Variants in RARB observed in about 807,000 individuals in gnomAD.
RARB encodes retinoic acid receptor beta, also known as HBV-activated protein.
Under a neutral mutation model 51.9 loss-of-function variants are expected in RARB, and 17 were observed. The observed-to-expected ratio is 0.33, with a 90% CI of 0.22 to 0.49. The LOEUF (loss-of-function observed/expected upper bound fraction) is 0.49. Ranked by LOEUF, RARB falls within the 20% of genes least tolerant of loss-of-function variation. The pLI is 0.99. For missense variants in RARB, 369 were observed against 550.8 expected (o/e 0.67, Z 3.30); for synonymous variants, 215 against 195.4 (o/e 1.10, Z -0.84).
chr3:25,496,677 T>G (rs1697049522), intron 2 of RARB, among the ~76,000 whole-genome samples: 1 of 152,182 alleles, frequency 6.6e-6, no homozygotes, highest in Non-Finnish European at 1.5e-5. Context: ...AGGTATAACA[T>G]GGAAGGAAAA....
intron 3 of RARB, among the ~76,000 whole-genome samples, chr3:25,108,239 G>A (rs1308463402): frequency 6.6e-6 from 1 of 152,068 alleles, no homozygotes; most frequent in Admixed American, 6.6e-5. Flanking sequence ...GGTTGATCGT[G>A]GGTGACTGAA....
At chr3:25,330,320 C>A (rs192730520) in intron 5 of RARB, among the ~76,000 whole-genome samples, 1,677 of 152,302 alleles carry the variant, frequency 0.011, 25 homozygotes, top group African/African-American at 0.038. Context: ...GATCTCTCGG[C>A]AGACACTCTG....
chr3:25,145,419 A>G (rs986838741), intron 4 of RARB, among the ~76,000 whole-genome samples: 5 of 152,208 alleles, frequency 3.3e-5, no homozygotes, highest in African/African-American at 1.2e-4. Context: ...GGAAGTGATC[A>G]TAATGCCACA....
At chr3:25,267,579 A>G (rs1238613854) in intron 5 of RARB, among the ~76,000 whole-genome samples, 1 of 152,076 alleles carries the variant, frequency 6.6e-6, no homozygotes, top group African/African-American at 2.4e-5. Context: ...TTCTGGCTTG[A>G]GAGTGGTGTT....
intron 3 of RARB, among the ~76,000 whole-genome samples, chr3:25,527,252 A>G (rs1048658713): frequency 2.0e-5 from 3 of 152,196 alleles, no homozygotes; most frequent in Admixed American, 6.5e-5. Context: ...GCAAGTGGCT[A>G]GATGGCAAAT....
At chr3:25,499,089 C>T (rs866549489) in intron 2 of RARB, among the ~76,000 whole-genome samples, 3 of 152,138 alleles carry the variant, frequency 2.0e-5, no homozygotes, top group Non-Finnish European at 2.9e-5. Context: ...ATAGTTGAAC[C>T]ATGCCAGTAA....
chr3:25,444,639 C>G (rs1708848754), intron 1 of RARB, among the ~76,000 whole-genome samples: 1 of 152,140 alleles, frequency 6.6e-6, no homozygotes. Flanking sequence ...ACCTGCAGGT[C>G]TTTTGCTATT....
At chr3:25,118,684 T>G (rs1486481742) in intron 3 of RARB, among the ~76,000 whole-genome samples, 1 of 152,078 alleles carries the variant, frequency 6.6e-6, no homozygotes, top group Non-Finnish European at 1.5e-5. Flanking sequence ...ATTAATATCT[T>G]GCTGAAGTTA....
intron 2 of RARB, among the ~76,000 whole-genome samples, chr3:24,974,715 C>A (rs745993920): frequency 3.9e-5 from 6 of 152,144 alleles, no homozygotes; most frequent in Non-Finnish European, 7.4e-5. Context: ...GAAAGAAATA[C>A]ATAAGAAATT....
intron 5 of RARB, among the ~76,000 whole-genome samples, chr3:25,361,169 G>A (rs1313465011): frequency 6.6e-6 from 1 of 152,126 alleles, no homozygotes; most frequent in African/African-American, 2.4e-5. Flanking sequence ...TGGACACTTT[G>A]TTCCTTCCGT....
At chr3:25,450,309 TA>T (rs1207096224) in intron 1 of RARB, among the ~76,000 whole-genome samples, 1 of 152,212 alleles carries the variant, frequency 6.6e-6, no homozygotes, top group Non-Finnish European at 1.5e-5. Flanking sequence ...TTTCTAATAA[TA>T]AAGCATTAGC....
intron 2 of RARB, among the ~76,000 whole-genome samples, chr3:24,991,979 C>T (rs1361760633): frequency 2.0e-5 from 3 of 152,078 alleles, no homozygotes; most frequent in Non-Finnish European, 2.9e-5. Context: ...CCTGCTCAGG[C>T]TTTCTATATC....
intron 5 of RARB, among the ~76,000 whole-genome samples, chr3:25,208,941 G>A (rs188978851): frequency 2.9e-4 from 44 of 152,124 alleles, no homozygotes; most frequent in Non-Finnish European, 5.4e-4. Flanking sequence ...TGCTCCACAC[G>A]GAATACATAA....
intron 2 of RARB, among the ~76,000 whole-genome samples, chr3:24,975,030 G>A (rs974321233): frequency 6.6e-6 from 1 of 152,182 alleles, no homozygotes; most frequent in African/African-American, 2.4e-5. Context: ...GACTTAGGCA[G>A]TGAATTTTAA....
chr3:25,025,442 G>A (rs1166117136), intron 2 of RARB, among the ~76,000 whole-genome samples: 1 of 152,152 alleles, frequency 6.6e-6, no homozygotes, highest in Non-Finnish European at 1.5e-5. Flanking sequence ...ACATTTCTGG[G>A]ATTGCAATCT....
chr3:25,453,357 C>T (rs1709281509), intron 1 of RARB, among the ~76,000 whole-genome samples: 1 of 150,708 alleles, frequency 6.6e-6, no homozygotes, highest in Non-Finnish European at 1.5e-5. Context: ...AAGCGATTCT[C>T]CTGCCTCAGC....
At chr3:24,857,223 A>G (rs1180285949) in intron 1 of RARB, among the ~76,000 whole-genome samples, 1 of 152,176 alleles carries the variant, frequency 6.6e-6, no homozygotes, top group Non-Finnish European at 1.5e-5. Context: ...CAACATTTAT[A>G]CTTCACACCT....
intron 3 of RARB, among the ~76,000 whole-genome samples, chr3:25,124,240 G>A (rs576716547): frequency 7.2e-4 from 110 of 152,246 alleles, no homozygotes; most frequent in African/African-American, 2.6e-3. Context: ...TGGGTGTCAT[G>A]GCAGGCATTT....
At chr3:24,934,176 T>C (rs1257570107) in intron 2 of RARB, among the ~76,000 whole-genome samples, 1 of 152,144 alleles carries the variant, frequency 6.6e-6, no homozygotes, top group African/African-American at 2.4e-5. Flanking sequence ...TCCTTGGTCC[T>C]AGCTAGCCAG....
Sources: allele counts gnomAD v4.1 joint callset (sites outside exome capture counted in the v4.1 genomes callset), GRCh38; gene constraint gnomAD v4.1.1; transcripts MANE v1.5; gene names NCBI Gene and HGNC (gene_info 2026-07-23, HGNC 2026-07-21).